The following KCNC2 variants were observed in gnomAD, a reference collection of about 807,000 sequenced individuals.
KCNC2 encodes voltage-gated potassium channel KCNC2.
In KCNC2, 21 loss-of-function variants were observed where a neutral mutation model predicts 44.5. The observed-to-expected ratio is 0.47, with a 90% confidence interval of 0.33 to 0.68. KCNC2 has a LOEUF of 0.68. Among genes scored for constraint, KCNC2 ranks in the 30% least tolerant of loss-of-function variants. The pLI is 0.01. For missense variants in KCNC2, 589 were observed against 826.2 expected (o/e 0.71, Z 3.52); for synonymous variants, 391 against 339.1 (o/e 1.15, Z -1.68).
At chr12:75,179,825 A>G (rs1198684513) in intron 2 of KCNC2, among the ~76,000 whole-genome samples, 1 of 150,356 alleles carries the variant, frequency 6.7e-6, no homozygotes, top group Non-Finnish European at 1.5e-5. Context: ...AAATATATTA[A>G]CTATTGATTT....
At chr12:75,100,041 C>A (rs1204456883) in intron 2 of KCNC2, among the ~76,000 whole-genome samples, 1 of 152,074 alleles carries the variant, frequency 6.6e-6, no homozygotes, top group Non-Finnish European at 1.5e-5. Flanking sequence ...ATACAGTTCT[C>A]CTGAGTGGGG....
At chr12:75,117,009 A>T (rs550940543) in intron 2 of KCNC2, among the ~76,000 whole-genome samples, 8 of 151,420 alleles carry the variant, frequency 5.3e-5, no homozygotes, top group African/African-American at 1.9e-4. Flanking sequence ...ATAGCAACAC[A>T]TTTTTTTTCT....
chr12:75,165,420 T>C (rs932294732), intron 2 of KCNC2, among the ~76,000 whole-genome samples: 7 of 151,538 alleles, frequency 4.6e-5, no homozygotes, highest in African/African-American at 7.3e-5. Flanking sequence ...CTACATGTAA[T>C]AGGCAATTAA....
chr12:75,065,640 A>G (rs1237774173), intron 2 of KCNC2, among the ~76,000 whole-genome samples: 1 of 152,092 alleles, frequency 6.6e-6, no homozygotes. Context: ...AACATGTTGT[A>G]CAGGTTTGTA....
chr12:75,148,335 T>C (rs1222969041), intron 2 of KCNC2, among the ~76,000 whole-genome samples: 1 of 152,022 alleles, frequency 6.6e-6, no homozygotes, highest in African/African-American at 2.4e-5. Flanking sequence ...ATGGCTGACA[T>C]GGGAGCTGTG....
At chr12:75,124,053 G>A (rs1888228158) in intron 2 of KCNC2, 1 of 152,184 alleles carries the variant, frequency 6.6e-6, no homozygotes, top group South Asian at 2.1e-4. Context: ...CTTCCTGCAT[G>A]AAACTTGATC....
chr12:75,042,136 A>T lies in KCNC2; in HGVS notation c.*969T>A, dbSNP rs1879975780. On this transcript the variant is annotated 3_prime_UTR_variant, in exon 5 of 5. Coordinates refer to ENST00000549446, the MANE Select transcript of KCNC2 (RefSeq NM_139137.4). ...ATAAATAAAAATAAAATAAGGGGGT[A>T]AAAAAAAGACACAAGAGCTTTGGGT... 8.1e-7 allele frequency: 1 copy of T among 1,232,618 alleles called. No homozygotes were observed. The highest frequency in any genetic ancestry group is 1.6e-5 in the African/African-American group (1 of 63,976). 76.4% of individuals were successfully genotyped at this position (1,232,618 alleles called of 1,614,324 possible). A position where few individuals can be genotyped will look rare whatever the true frequency, so the allele number is the denominator to read the frequency against.
At chr12:75,102,223 C>A (rs1886423556) in intron 2 of KCNC2, among the ~76,000 whole-genome samples, 1 of 151,894 alleles carries the variant, frequency 6.6e-6, no homozygotes, top group Non-Finnish European at 1.5e-5. Flanking sequence ...AGACATATTT[C>A]TATGTATGCA....
intron 2 of KCNC2, among the ~76,000 whole-genome samples, chr12:75,125,696 T>C (rs957578637): frequency 6.6e-6 from 1 of 152,244 alleles, no homozygotes; most frequent in African/African-American, 2.4e-5. Flanking sequence ...GGGTCAGTCA[T>C]GAGAAGAATT....
At chr12:75,118,957 T>G (rs1887863218) in intron 2 of KCNC2, among the ~76,000 whole-genome samples, 2 of 152,190 alleles carry the variant, frequency 1.3e-5, no homozygotes, top group South Asian at 4.1e-4. Context: ...GAAATTTGCT[T>G]ACAAAACAAG....
intron 2 of KCNC2, among the ~76,000 whole-genome samples, chr12:75,088,850 C>G (rs1885242512): frequency 6.6e-6 from 1 of 151,776 alleles, no homozygotes; most frequent in Admixed American, 6.6e-5. Flanking sequence ...AACAACAGAT[C>G]TATATATAAA....
At chr12:75,135,277 T>G (rs1160370401) in intron 2 of KCNC2, among the ~76,000 whole-genome samples, 2 of 151,514 alleles carry the variant, frequency 1.3e-5, no homozygotes, top group Non-Finnish European at 1.5e-5. Flanking sequence ...AGCCACTGAA[T>G]CCCTGACCAT....
At chr12:75,070,918 A>T (rs1318736656) in intron 2 of KCNC2, among the ~76,000 whole-genome samples, 1 of 152,196 alleles carries the variant, frequency 6.6e-6, no homozygotes, top group Admixed American at 6.5e-5. Flanking sequence ...TTCTTTTAAA[A>T]TTAATAGTCC....
chr12:75,045,572 A>G (rs1160902323), intron 4 of KCNC2, among the ~76,000 whole-genome samples: 1 of 151,996 alleles, frequency 6.6e-6, no homozygotes, highest in Non-Finnish European at 1.5e-5. Flanking sequence ...GGCTAAAAAT[A>G]TAATTCATGA....
rs368830093 is a variant in KCNC2, at chr12:75,088,459, C to T, written c.688-37142G>A. 2.2e-4 allele frequency among the ~76,000 whole-genome samples: 34 copies of T among 152,130 alleles called. 1 individual carries two copies. In the South Asian group the frequency reaches 6.6e-3, roughly 30 times the overall value. ...CAATTAATTGACTACCTGGATTAAT[C>T]AAAACCTCTATTCTTTGTGTAAAAC... On this transcript the variant is annotated intron_variant, in intron 2 of 4. Coordinates refer to ENST00000549446, the MANE Select transcript of KCNC2 (RefSeq NM_139137.4).
chr12:75,129,029 A>G (rs1888643481), intron 2 of KCNC2, among the ~76,000 whole-genome samples: 1 of 152,246 alleles, frequency 6.6e-6, no homozygotes, highest in African/African-American at 2.4e-5. Flanking sequence ...AGCCATTTAA[A>G]GCATGGTTCA....
chr12:75,133,070 T>A (rs1185381971), intron 2 of KCNC2, among the ~76,000 whole-genome samples: 6 of 152,032 alleles, frequency 3.9e-5, no homozygotes, highest in Non-Finnish European at 8.8e-5. Flanking sequence ...TGATAGACTT[T>A]ATCAACTCTA....
intron 2 of KCNC2, among the ~76,000 whole-genome samples, chr12:75,136,863 G>C (rs1184681816): frequency 1.3e-5 from 2 of 151,972 alleles, no homozygotes; most frequent in South Asian, 4.1e-4. Flanking sequence ...GCTAGACAAG[G>C]ACTCAACAAA....
At chr12:75,191,008 C>T (rs2030151675) in intron 2 of KCNC2, among the ~76,000 whole-genome samples, 1 of 151,862 alleles carries the variant, frequency 6.6e-6, no homozygotes, top group African/African-American at 2.4e-5. Flanking sequence ...GATAACTATA[C>T]CTATGATTAA....
Sources: gnomAD v4.1 joint callset for allele counts (sites outside exome capture counted in the v4.1 genomes callset) on GRCh38, gnomAD v4.1.1 for gene constraint, MANE v1.5 for transcripts, NCBI Gene and HGNC (gene_info 2026-07-23, HGNC 2026-07-21) for gene names.